TRPM3: variants seen among roughly 807,000 people sequenced by gnomAD.
The protein encoded by TRPM3 is transient receptor potential cation channel subfamily M member 3.
In TRPM3, 77 loss-of-function variants were observed where a neutral mutation model predicts 181.2. That is an observed-to-expected ratio of 0.42 (90% CI 0.35 to 0.51). TRPM3 has a LOEUF of 0.51. Among genes scored for constraint, TRPM3 ranks in the 20% least tolerant of loss-of-function variants. The probability of loss-of-function intolerance (pLI) is 0.01; values close to 1 mark genes in which losing one functional copy is unlikely to be tolerated. For missense variants in TRPM3, 1,759 were observed against 2,196.7 expected, an observed-to-expected ratio of 0.80 and a Z score of 3.98; for synonymous variants, 745 against 796.4, an observed-to-expected ratio of 0.94 and a Z score of 1.09.
At position 71,008,681 on chromosome 9, in the gene TRPM3, A is replaced by T. The variant is rs189909996; in HGVS notation, c.177+112497T>A. Among the ~76,000 whole-genome samples the T allele has an allele frequency of 1.2e-4, 18 of 152,272 alleles. No homozygotes were observed. In the East Asian group the frequency reaches 2.3e-3, roughly 20 times the overall value. Reference sequence around the variant, plus strand: ...AACCTGGTGAAACCCTGTCTCTACTAAAAATACAAAAAAATTAGCTGGGCA... The same window carrying T: ...AACCTGGTGAAACCCTGTCTCTACTTAAAATACAAAAAAATTAGCTGGGCA... On this transcript the variant is annotated intron_variant, in intron 1 of 25. Transcript: ENST00000677713.
intron 1 of TRPM3, among the ~76,000 whole-genome samples, chr9:71,298,630 G>T (rs1282324305): frequency 2.6e-5 from 4 of 152,026 alleles, no homozygotes; most frequent in Non-Finnish European, 5.9e-5. Flanking sequence ...GGAATTTAGA[G>T]TCCAAACAGA....
At chr9:71,145,139 TATC>T (rs2075333720) in intron 1 of TRPM3, among the ~76,000 whole-genome samples, 1 of 152,172 alleles carries the variant, frequency 6.6e-6, no homozygotes, top group African/African-American at 2.4e-5. Flanking sequence ...AACAGCTGTT[TATC>T]ATCATAATTA....
chr9:70,925,814 C>T (rs2096715791), intron 1 of TRPM3, among the ~76,000 whole-genome samples: 1 of 151,912 alleles, frequency 6.6e-6, no homozygotes, highest in Non-Finnish European at 1.5e-5. Flanking sequence ...TAGTAGTTCC[C>T]TCAAACACAA....
chr9:71,277,065 A>T (rs982084480), intron 1 of TRPM3, among the ~76,000 whole-genome samples: 15 of 152,228 alleles, frequency 9.9e-5, no homozygotes, highest in African/African-American at 3.6e-4. Flanking sequence ...ATACAATGTG[A>T]TCTCATTACT....
chr9:70,870,153 T>C (rs771276222), intron 1 of TRPM3, among the ~76,000 whole-genome samples: 47 of 151,998 alleles, frequency 3.1e-4, no homozygotes, highest in Non-Finnish European at 1.0e-4. Flanking sequence ...TTAATGCGCC[T>C]AGTACGTGTC....
intron 1 of TRPM3, among the ~76,000 whole-genome samples, chr9:71,135,804 A>T (rs560600572): frequency 6.6e-6 from 1 of 152,316 alleles, no homozygotes; most frequent in East Asian, 1.9e-4. Context: ...CCAGCAAATT[A>T]CAGATCTGCT....
intron 1 of TRPM3, among the ~76,000 whole-genome samples, chr9:71,307,309 C>T (rs888894073): frequency 1.8e-5 from 2 of 111,270 alleles, no homozygotes; most frequent in African/African-American, 5.2e-5. Flanking sequence ...ATCTTTATTT[C>T]CCTGTTTATT....
chr9:70,835,224 C>A (rs559323897), intron 5 of TRPM3, among the ~76,000 whole-genome samples: 1 of 152,202 alleles, frequency 6.6e-6, no homozygotes, highest in African/African-American at 2.4e-5. Flanking sequence ...GACAAATAAA[C>A]CTCTTTTCTT....
rs2131567714 is a variant in TRPM3 at position 70,535,601 on chromosome 9, G to A, written c.*352C>T. On this transcript the variant is annotated 3_prime_UTR_variant, in exon 26 of 26. Transcript: ENST00000677713. ...TGATAATGGTCAGAAATCAACAGAT[G>A]CCTCCTGGCATGGAGCGTGCTCGAA... 6.7e-7 allele frequency: 1 copy of A among 1,494,580 alleles called. No homozygotes were observed. The highest frequency in any genetic ancestry group is 2.5e-5 in the East Asian group (1 of 40,666). 92.6% of individuals were successfully genotyped at this position (1,494,580 alleles called of 1,614,324 possible).
At chr9:71,189,560 G>T (rs980393237) in intron 1 of TRPM3, among the ~76,000 whole-genome samples, 4 of 151,566 alleles carry the variant, frequency 2.6e-5, no homozygotes, top group African/African-American at 9.7e-5. Flanking sequence ...TCACTCCCAC[G>T]CTCCATTCTA....
chr9:70,850,092 T>C (rs1180670484), intron 3 of TRPM3, among the ~76,000 whole-genome samples: 1 of 152,206 alleles, frequency 6.6e-6, no homozygotes, highest in Non-Finnish European at 1.5e-5. Flanking sequence ...ATTTGATTTA[T>C]CTAGCAAAAA....
intron 1 of TRPM3, among the ~76,000 whole-genome samples, chr9:70,956,290 A>G (rs1272313031): frequency 7.6e-6 from 1 of 131,354 alleles, no homozygotes; most frequent in East Asian, 2.3e-4. Context: ...ACCAGGAGAA[A>G]TACACCTTTT....
rs560650885 is a variant in TRPM3 at position 70,557,653 on chromosome 9, C to T, written c.3224-4343G>A. Among the ~76,000 whole-genome samples the T allele has an allele frequency of 3.9e-5, 6 of 152,262 alleles. No homozygotes were observed. The South Asian group carries it at 1.2e-3, about 32-fold the overall frequency. ...GAGATTTATGTTCCCAGAGAAATGC[C>T]CCCGGGACATGCACCCAAGATGGCA... On this transcript the variant is annotated intron_variant, in intron 22 of 25. Transcript: ENST00000677713.
intron 1 of TRPM3, among the ~76,000 whole-genome samples, chr9:71,249,719 G>A (rs2082231861): frequency 6.6e-6 from 1 of 152,112 alleles, no homozygotes; most frequent in African/African-American, 2.4e-5. Context: ...TCAAAGGAAT[G>A]TCCCAAAGAC....
intron 8 of TRPM3, among the ~76,000 whole-genome samples, chr9:70,688,597 C>T (rs1282323274): frequency 6.6e-6 from 1 of 152,170 alleles, no homozygotes; most frequent in Non-Finnish European, 1.5e-5. Flanking sequence ...TGCACTCCCA[C>T]CATCACAGCA....
intron 8 of TRPM3, among the ~76,000 whole-genome samples, chr9:70,692,170 C>T (rs2068807595): frequency 6.6e-6 from 1 of 152,196 alleles, no homozygotes; most frequent in Non-Finnish European, 1.5e-5. Flanking sequence ...TTAACATTAT[C>T]ACCAAGCACT....
chr9:70,941,490 G>A lies in TRPM3; in HGVS notation c.178-76979C>T, dbSNP rs557449804. 5.4e-4 allele frequency among the ~76,000 whole-genome samples: 82 copies of A among 152,230 alleles called. 1 individual carries two copies. The highest frequency in any genetic ancestry group is 1.9e-3 in the African/African-American group (77 of 41,546). ...CTTCCTTGCTCCTCAGCATGCAGAC[G>A]GCCTATTATGGGGCTTCGCTTTGTT... is the stretch of plus-strand genomic sequence containing the variant. On this transcript the variant is annotated intron_variant, in intron 1 of 25. Coordinates refer to ENST00000677713, the MANE Select transcript of TRPM3 (RefSeq NM_001366145.2).
At chr9:71,242,316 T>C (rs1565376968) in intron 1 of TRPM3, among the ~76,000 whole-genome samples, 1 of 152,178 alleles carries the variant, frequency 6.6e-6, no homozygotes, top group Non-Finnish European at 1.5e-5. Flanking sequence ...GTCCATGAAA[T>C]AGTCAGTTAA....
intron 9 of TRPM3, among the ~76,000 whole-genome samples, chr9:70,654,034 G>A (rs1310415277): frequency 6.6e-6 from 1 of 151,950 alleles, no homozygotes; most frequent in African/African-American, 2.4e-5. Flanking sequence ...CCAAACTTAG[G>A]GGTGGCTAAG....
Sources: gnomAD v4.1 joint callset for allele counts (sites outside exome capture counted in the v4.1 genomes callset) on GRCh38, gnomAD v4.1.1 for gene constraint, MANE v1.5 for transcripts, NCBI Gene and HGNC (gene_info 2026-07-23, HGNC 2026-07-21) for gene names.